Variants in PROX2 observed in about 807,000 individuals in gnomAD.
The protein encoded by PROX2 is prospero homeobox 2.
A neutral mutation model predicts 48.9 loss-of-function variants in PROX2; 46 were observed. The observed-to-expected ratio is 0.94, with a 90% CI of 0.74 to 1.20. PROX2 has a LOEUF of 1.20. Ranked by LOEUF, PROX2 falls within the 50% of genes most tolerant of loss-of-function variation. The pLI is 0.00. For synonymous variants in PROX2, 260 were observed against 276.6 expected (o/e 0.94, Z 0.60); for missense variants, 663 against 719.4 (o/e 0.92, Z 0.90).
chr14:74,866,638 T>C (rs1883069458), intron 2 of PROX2, among the ~76,000 whole-genome samples: 1 of 152,150 alleles, frequency 6.6e-6, no homozygotes, highest in South Asian at 2.1e-4. Context: ...TCACTGGGAA[T>C]CTTGATCAAC....
Position 74,863,333 on chromosome 14 carries a change from T to C in PROX2, c.502A>G (p.Thr168Ala), listed in dbSNP as rs746912192. The change falls in exon 3 of 6, where the codon ACG becomes GCG. Residue 168 changes from threonine (T) to alanine (A), a missense_variant. By Grantham distance (58) the Thr-to-Ala change is moderately conservative. Transcript: ENST00000556489. ...DTAQGPGGCG[T>A]GKGPLSAKQG... ...TTTGCACTCAGAGGGCCTTTCCCCGTGCCACAGCCTCCTGGCCCCTGAGCT... is the reference window on the plus strand; with the variant it reads ...TTTGCACTCAGAGGGCCTTTCCCCGCGCCACAGCCTCCTGGCCCCTGAGCT... The C allele has an allele frequency of 6.2e-7, 1 of 1,614,064 alleles. No homozygotes were observed. The highest frequency in any genetic ancestry group is 1.1e-5 in the South Asian group (1 of 91,092).
rs755102297 is a variant in PROX2, at chr14:74,855,240, G to A, written c.1671C>T (p.Ser557=). 2.0e-5 allele frequency: 32 copies of A among 1,591,588 alleles called. No homozygotes were observed. Among genetic ancestry groups the A allele is most frequent in the Non-Finnish European group, 2.7e-5 (31 of 1,165,134 alleles). ...AGGAAGGATCTGAGTCTCTCCCTGCGGAGACAGCCCTGAAGAACTCCTGTA... is the reference window on the plus strand; with the variant it reads ...AGGAAGGATCTGAGTCTCTCCCTGCAGAGACAGCCCTGAAGAACTCCTGTA... ...LTLQEFFRAV[S]AGRDSDPSWK... is the part of the protein sequence containing the mutation. The change falls in exon 6 of 6, where the codon TCC becomes TCT. Residue 557 remains serine (S), a synonymous_variant. Coordinates refer to ENST00000556489, the MANE Select transcript of PROX2 (RefSeq NM_001243007.2).
At chr14:74,859,889 A>G (rs544992221) in intron 3 of PROX2, among the ~76,000 whole-genome samples, 51 of 152,356 alleles carry the variant, frequency 3.3e-4, no homozygotes, top group African/African-American at 1.2e-3. Context: ...TTGGGATTCC[A>G]AAGACCCAGT....
Sources: gnomAD v4.1 joint callset for allele counts (sites outside exome capture counted in the v4.1 genomes callset) on GRCh38, gnomAD v4.1.1 for gene constraint, MANE v1.5 for transcripts, NCBI Gene and HGNC (gene_info 2026-07-23, HGNC 2026-07-21) for gene names.